EEF1G: variants seen among roughly 807,000 people sequenced by gnomAD.
EEF1G encodes the protein eukaryotic translation elongation factor 1 gamma.
Under a neutral mutation model 58.3 loss-of-function variants are expected in EEF1G, and 14 were observed. The ratio of observed to expected loss-of-function variants is 0.24; its 90% CI spans 0.16 to 0.38. The LOEUF (loss-of-function observed/expected upper bound fraction) is 0.38, where lower values mean the gene tolerates loss of function less well. EEF1G is among the 10% of genes least tolerant of loss of function. The pLI is 1.00. For synonymous variants in EEF1G, 180 were observed against 206.8 expected (o/e 0.87, Z 1.11); for missense variants, 322 against 550.1 (o/e 0.59, Z 4.15).
At chr11:62,572,906 C>T in intron 1 of EEF1G, 164 bp from the exon 2 acceptor site, 1 of 573,116 alleles carries the variant, frequency 1.7e-6, no homozygotes, top group Non-Finnish European at 2.9e-6. Flanking sequence ...AATCAGAATC[C>T]TCCGAAATAC....
At position 62,571,100 on chromosome 11, in the gene EEF1G, C is replaced by G; in HGVS notation, c.387G>C (p.Glu129Asp). 2 of 1,613,966 alleles carry G rather than the reference C, an allele frequency of 1.2e-6. No homozygotes were observed. Among genetic ancestry groups the G allele is most frequent in the South Asian group, 1.1e-5 (1 of 91,072 alleles). ...TTCGCCTCACTTCCTCCTTTGCATT[C>G]TCAGTGGCCTAGTGATTCAACATGA... The part of the protein sequence containing the change: ...GIMHHNKQAT[E>D]NAKEEVRRIL... Residue 129 changes from glutamate to aspartate, a missense_variant, in exon 5 of 10, where the codon GAG becomes GAC. By Grantham distance (45) the Glu-to-Asp change is conservative (BLOSUM62 2). This residue lies in a region of EEF1G where 52 missense variants were observed against 139.4 expected (regional missense o/e 0.37). Transcript: ENST00000329251.
chr11:62,559,600 G>A lies in EEF1G; in HGVS notation c.*79C>T. The A allele has an allele frequency of 6.5e-7, 1 of 1,541,834 alleles. No homozygotes were observed. Among genetic ancestry groups the A allele is most frequent in the African/African-American group, 1.4e-5 (1 of 73,344 alleles). On this transcript the variant is annotated 3_prime_UTR_variant, in exon 10 of 10. Transcript: ENST00000329251. ...CACAAAGGAGGCAGGACAGGAAAGGGTTCAATGTTCAGTTTCCTTTAATGA... is the reference window on the plus strand; with the variant it reads ...CACAAAGGAGGCAGGACAGGAAAGGATTCAATGTTCAGTTTCCTTTAATGA...
At chr11:62,573,645 C>T in intron 1 of EEF1G, 186 bp downstream of exon 1, 1 of 818,662 alleles carries the variant, frequency 1.2e-6, no homozygotes, top group South Asian at 1.6e-5. Flanking sequence ...CACCTCTGGC[C>T]TCCGAGAGCC....
chr11:62,573,303 C>T (rs540562690), intron 1 of EEF1G: 1 of 159,692 alleles, frequency 6.3e-6, no homozygotes, highest in South Asian at 1.8e-4. Flanking sequence ...TCGCGAATAT[C>T]ATCCCTCCGG....
In EEF1G at chr11:62,566,838, C is replaced by T; in HGVS notation, c.825G>A (p.Lys275=). The T allele has an allele frequency of 6.2e-7, 1 of 1,613,388 alleles. No homozygotes were observed. The highest frequency in any genetic ancestry group is 1.3e-5 in the African/African-American group (1 of 75,010). Residue 275 remains lysine (K), a synonymous_variant, in exon 7 of 10, where the codon AAG becomes AAA. Coordinates refer to ENST00000329251, the MANE Select transcript of EEF1G (RefSeq NM_001404.5). ...GCAGGTGAGCGAAGGGGTCCTTGGC[C>T]TTGGGCTCAGCAGCCAGCGCCTGCT... The part of the protein sequence containing the change: ...ECEQALAAEP[K]AKDPFAHLPK...
intron 7 of EEF1G, among the ~76,000 whole-genome samples, chr11:62,561,682 CAAAAAA>C (rs58957254): frequency 8.0e-6 from 1 of 124,606 alleles, no homozygotes. Flanking sequence ...AAAAAAAAAA[CAAAAAA>C]AAAAAAAACA....
At position 62,573,861 on chromosome 11, in the gene EEF1G, G is replaced by C. The variant is rs760577306; in HGVS notation, c.-19C>G. ...CCGCCATGGTGATTCCGCAAAGAAA[G>C]GGGGTGGGGTTCTCGGCGCTGCCGC... On this transcript the variant is annotated 5_prime_UTR_variant, in exon 1 of 10. Coordinates refer to ENST00000329251, the MANE Select transcript of EEF1G (RefSeq NM_001404.5). 8 of 1,613,776 alleles carry C rather than the reference G, an allele frequency of 5.0e-6. No homozygotes were observed. Among genetic ancestry groups the C allele is most frequent in the Non-Finnish European group, 6.8e-6 (8 of 1,179,870 alleles).
intron 7 of EEF1G, 124 bp from the exon 8 acceptor site, chr11:62,560,578 TG>T: frequency 9.2e-7 from 1 of 1,089,062 alleles, no homozygotes; most frequent in Non-Finnish European, 1.3e-6. Flanking sequence ...CTGGCAGATG[TG>T]TATGACCTTA....
rs1170614747 is a variant in EEF1G at position 62,559,609 on chromosome 11, T to C, written c.*70A>G. 3 of 1,571,414 alleles carry C rather than the reference T, an allele frequency of 1.9e-6. No homozygotes were observed. The highest frequency in any genetic ancestry group is 2.6e-6 in the Non-Finnish European group (3 of 1,148,490). On this transcript the variant is annotated 3_prime_UTR_variant, in exon 10 of 10. Transcript: ENST00000329251. Reference sequence around the variant, plus strand: ...GGCAGGACAGGAAAGGGTTCAATGTTCAGTTTCCTTTAATGACCCCCATCT... The same window carrying C: ...GGCAGGACAGGAAAGGGTTCAATGTCCAGTTTCCTTTAATGACCCCCATCT...
Position 62,559,800 on chromosome 11 carries a change from G to A in EEF1G, c.1193C>T (p.Thr398Ile). 1 of 1,614,006 alleles carries A rather than the reference G, an allele frequency of 6.2e-7. No individual in the cohort carries two copies. Among genetic ancestry groups the A allele is most frequent in the Non-Finnish European group, 8.5e-7 (1 of 1,179,896 alleles). ...GCTGCCAGGATCCAGTTTCCGCCAT[G>A]TGTATGACTCGTAGTCCACCTGCCA... ...PDWQVDYESY[T>I]WRKLDPGSEE... Residue 398 changes from threonine to isoleucine, a missense_variant, in exon 10 of 10, where the codon ACA becomes ATA. Thr to Ile is a moderately conservative substitution (Grantham distance 89). Coordinates refer to ENST00000329251, the MANE Select transcript of EEF1G (RefSeq NM_001404.5).
intron 5 of EEF1G, 86 bp from the exon 6 acceptor site, chr11:62,567,614 T>G: frequency 1.5e-6 from 2 of 1,359,696 alleles, no homozygotes; most frequent in Non-Finnish European, 9.7e-7. Context: ...TCTACCTAAG[T>G]CCCAGTGCTC....
At chr11:62,561,706 A>T (rs916111058) in intron 7 of EEF1G, among the ~76,000 whole-genome samples, 3 of 151,676 alleles carry the variant, frequency 2.0e-5, no homozygotes, top group Non-Finnish European at 4.4e-5. Flanking sequence ...ACAACCAAAA[A>T]ACACATATAT....
intron 7 of EEF1G, among the ~76,000 whole-genome samples, chr11:62,561,379 G>T (rs549211660): frequency 5.0e-4 from 75 of 149,068 alleles, no homozygotes; most frequent in African/African-American, 1.8e-3. Flanking sequence ...AGTCCTGTCT[G>T]GGGGGAAAAA....
chr11:62,571,405 A>C (rs1941629363), intron 4 of EEF1G, 135 bp downstream of exon 4: 3 of 1,360,136 alleles, frequency 2.2e-6, no homozygotes, highest in Non-Finnish European at 3.0e-6. Context: ...TCAAACTCGT[A>C]CCCTAGAGAT....
chr11:62,564,712 T>C (rs1175038937), intron 7 of EEF1G, among the ~76,000 whole-genome samples: 1 of 131,048 alleles, frequency 7.6e-6, no homozygotes, highest in Admixed American at 8.8e-5. Flanking sequence ...TGAGCCAAGA[T>C]TGCACCACTA....
At chr11:62,564,648 G>A (rs1293300349) in intron 7 of EEF1G, among the ~76,000 whole-genome samples, 2 of 147,892 alleles carry the variant, frequency 1.4e-5, no homozygotes, top group African/African-American at 2.5e-5. Context: ...TGTAGTCCCA[G>A]CTACTCAAGA....
At chr11:62,568,545 T>C (rs1176349153) in intron 5 of EEF1G, among the ~76,000 whole-genome samples, 1 of 152,072 alleles carries the variant, frequency 6.6e-6, no homozygotes, top group Non-Finnish European at 1.5e-5. Flanking sequence ...CCATTTCTTT[T>C]TCTAATCTTT....
intron 9 of EEF1G, 74 bp downstream of exon 9, chr11:62,559,995 C>G: frequency 6.2e-7 from 1 of 1,608,934 alleles, no homozygotes; most frequent in Admixed American, 1.7e-5. Flanking sequence ...CATCCATCAA[C>G]TCAGAAATAA....
rs192273733 is a variant in EEF1G, at chr11:62,565,359, T to C, written c.857+1447A>G. Among the ~76,000 whole-genome samples, 332 of 152,122 alleles carry C rather than the reference T, an allele frequency of 2.2e-3. 1 individual carries two copies. Among genetic ancestry groups the C allele is most frequent in the African/African-American group, 7.4e-3 (306 of 41,470 alleles). On this transcript the variant is annotated intron_variant, in intron 7 of 9. Coordinates refer to ENST00000329251, the MANE Select transcript of EEF1G (RefSeq NM_001404.5). ...CGTGATCACGCTACTGCACTCCAGA[T>C]TGGACAACAAAGTAAAACCCTGTTT...
Sources: gnomAD v4.1 joint callset for allele counts (sites outside exome capture counted in the v4.1 genomes callset) on GRCh38, gnomAD v4.1.1 for gene constraint, gnomAD v4.1.1 regional missense constraint, MANE v1.5 for transcripts, NCBI Gene and HGNC (gene_info 2026-07-23, HGNC 2026-07-21) for gene names.